The following CDKAL1 variants were observed in gnomAD, a reference collection of about 807,000 sequenced individuals.
CDKAL1 encodes the protein threonylcarbamoyladenosine tRNA methylthiotransferase.
CDKAL1 carries 32 observed loss-of-function variants against 68.2 expected under a neutral mutation model. The observed-to-expected ratio is 0.47, with a 90% confidence interval of 0.35 to 0.63. The LOEUF (loss-of-function observed/expected upper bound fraction) is 0.63. CDKAL1 is among the 30% of genes least tolerant of loss of function. CDKAL1 has a pLI of 0.00. For missense variants in CDKAL1, 606 were observed against 696.7 expected (o/e 0.87, Z 1.47); for synonymous variants, 234 against 244.3 (o/e 0.96, Z 0.39).
At chr6:20,733,563 C>T in intron 5 of CDKAL1, among the ~76,000 whole-genome samples, 1 of 152,168 alleles carries the variant, frequency 6.6e-6, no homozygotes, top group African/African-American at 2.4e-5. Flanking sequence ...AAAGTTCCCA[C>T]CCAGGTTTCC....
intron 9 of CDKAL1, among the ~76,000 whole-genome samples, chr6:20,856,199 T>C (rs148740865): frequency 6.6e-6 from 1 of 152,300 alleles, no homozygotes; most frequent in East Asian, 1.9e-4. Context: ...TTTTAGGACA[T>C]GGGAAGACTT....
At chr6:21,193,592 A>G (rs1778346329) in intron 13 of CDKAL1, among the ~76,000 whole-genome samples, 1 of 152,226 alleles carries the variant, frequency 6.6e-6, no homozygotes, top group South Asian at 2.1e-4. Context: ...CATCTCAAAA[A>G]TAATCTCACT....
chr6:21,194,927 A>G (rs1470013420), intron 13 of CDKAL1, among the ~76,000 whole-genome samples: 2 of 151,904 alleles, frequency 1.3e-5, no homozygotes. Context: ...ATATTGAGGG[A>G]AGCATTTATT....
intron 13 of CDKAL1, among the ~76,000 whole-genome samples, chr6:21,147,110 C>T (rs529845212): frequency 9.4e-4 from 143 of 152,202 alleles, no homozygotes; most frequent in African/African-American, 3.3e-3. Context: ...CTAGAACCTA[C>T]GGTCCAACAG....
chr6:20,739,584 AG>A lies in CDKAL1; in HGVS notation c.439del (p.Asp147ThrfsTer6). On this transcript the variant is annotated frameshift_variant, in exon 6 of 16. Coordinates refer to ENST00000274695, the MANE Select transcript of CDKAL1 (RefSeq NM_017774.3). LOFTEE classifies it high-confidence loss of function. ...TGCGTTCCTCAAGCCCAGCCTCGCC[AG>A]GACTACCTTAAGGGACTGAGTATCA... is the stretch of plus-strand genomic sequence containing the variant. ...AGCVPQAQPR[Q>X]DYLKGLSIIG... 6.2e-7 allele frequency: 1 copy of A among 1,612,780 alleles called. No homozygotes were observed. Among genetic ancestry groups the A allele is most frequent in the Non-Finnish European group, 8.5e-7 (1 of 1,178,988 alleles).
intron 5 of CDKAL1, chr6:20,722,417 T>C: frequency 3.9e-6 from 1 of 254,430 alleles, no homozygotes; most frequent in Non-Finnish European, 7.8e-6. Flanking sequence ...CTCTTAGATT[T>C]GCAACTGGGC....
intron 4 of CDKAL1, among the ~76,000 whole-genome samples, chr6:20,607,309 C>T (rs1262525198): frequency 6.6e-6 from 1 of 152,126 alleles, no homozygotes; most frequent in East Asian, 1.9e-4. Context: ...TGTTGAAAAG[C>T]CATACGTGTT....
At position 20,821,059 on chromosome 6, in the gene CDKAL1, A is replaced by C. The variant is rs189828002; in HGVS notation, c.639-25016A>C. 1.1e-3 allele frequency among the ~76,000 whole-genome samples: 169 copies of C among 152,122 alleles called. 2 individuals are homozygous for C. In the East Asian group the frequency reaches 0.026, roughly 23 times the overall value. On this transcript the variant is annotated intron_variant, in intron 8 of 15. Transcript: ENST00000274695. ...CTAGAGAAGAGGGTCTCAGCGAAGC[A>C]AAAGGCCTTGGGGTGGAAAAGCAAA...
At chr6:21,199,162 G>A (rs925389937) in intron 14 of CDKAL1, among the ~76,000 whole-genome samples, 5 of 152,224 alleles carry the variant, frequency 3.3e-5, no homozygotes, top group African/African-American at 1.2e-4. Context: ...AGGCCAAGGT[G>A]GACAAGTCGG....
intron 5 of CDKAL1, among the ~76,000 whole-genome samples, chr6:20,685,255 T>C (rs9356744): frequency 0.41 from 62,747 of 152,036 alleles, 14,587 homozygotes; most frequent in African/African-American, 0.64. Flanking sequence ...TTTTTGAAGA[T>C]GGTCTTTGTA....
chr6:21,043,421 T>C (rs1770044940), intron 11 of CDKAL1, among the ~76,000 whole-genome samples: 1 of 152,132 alleles, frequency 6.6e-6, no homozygotes, highest in Admixed American at 6.6e-5. Flanking sequence ...TCTTTCAGAC[T>C]CCAAAAATCT....
intron 5 of CDKAL1, among the ~76,000 whole-genome samples, chr6:20,731,515 T>C (rs1772924783): frequency 6.6e-6 from 1 of 152,206 alleles, no homozygotes; most frequent in Non-Finnish European, 1.5e-5. Flanking sequence ...ATGGACTTGC[T>C]GTTGACTGAG....
intron 9 of CDKAL1, among the ~76,000 whole-genome samples, chr6:20,855,324 T>G (rs1759269489): frequency 6.6e-6 from 1 of 151,326 alleles, no homozygotes; most frequent in African/African-American, 2.4e-5. Flanking sequence ...ATGCCTGTAA[T>G]CTCAGCTACT....
chr6:20,722,234 A>T (rs1772412743), intron 5 of CDKAL1: 1 of 152,784 alleles, frequency 6.5e-6, no homozygotes, highest in Non-Finnish European at 1.5e-5. Flanking sequence ...GTTCTGAAAT[A>T]GTTCAAGACA....
intron 11 of CDKAL1, among the ~76,000 whole-genome samples, chr6:21,010,132 A>T (rs767475208): frequency 6.6e-6 from 1 of 152,222 alleles, no homozygotes; most frequent in Non-Finnish European, 1.5e-5. Context: ...TTACGTATCA[A>T]TTTTTTACGT....
intron 9 of CDKAL1, among the ~76,000 whole-genome samples, chr6:20,934,830 A>T (rs1763625749): frequency 6.6e-6 from 1 of 151,754 alleles, no homozygotes; most frequent in Non-Finnish European, 1.5e-5. Flanking sequence ...CCTGTGCAAG[A>T]GAGAGAGAGA....
intron 5 of CDKAL1, among the ~76,000 whole-genome samples, chr6:20,679,403 T>C (rs1325212437): frequency 6.6e-6 from 1 of 152,264 alleles, no homozygotes; most frequent in Non-Finnish European, 1.5e-5. Flanking sequence ...CTTTTGTGCA[T>C]TGCTACAATG....
At chr6:21,097,391 C>G (rs1163923229) in intron 12 of CDKAL1, among the ~76,000 whole-genome samples, 3 of 152,014 alleles carry the variant, frequency 2.0e-5, no homozygotes, top group Non-Finnish European at 4.4e-5. Context: ...TTGCTTGAAC[C>G]TGGGAGGCAG....
intron 8 of CDKAL1, among the ~76,000 whole-genome samples, chr6:20,811,337 A>G (rs1776807017): frequency 6.6e-6 from 1 of 152,218 alleles, no homozygotes; most frequent in African/African-American, 2.4e-5. Flanking sequence ...GTTGTTACCA[A>G]GGAGATAAAT....
Sources: gnomAD v4.1 joint callset for allele counts (sites outside exome capture counted in the v4.1 genomes callset) on GRCh38, gnomAD v4.1.1 for gene constraint, MANE v1.5 for transcripts, NCBI Gene and HGNC (gene_info 2026-07-23, HGNC 2026-07-21) for gene names.